AKT3: variants seen among roughly 807,000 people sequenced by gnomAD.
The protein encoded by AKT3 is AKT serine/threonine kinase 3, also known as RAC-gamma serine/threonine-protein kinase.
In AKT3, 15 loss-of-function variants were observed where a neutral mutation model predicts 65.3. The ratio of observed to expected loss-of-function variants is 0.23; its 90% confidence interval spans 0.15 to 0.35. The LOEUF is 0.35. Ranked by LOEUF, AKT3 falls within the 10% of genes least tolerant of loss-of-function variation. The pLI is 1.00. For missense variants in AKT3, 243 were observed against 576.5 expected, an observed-to-expected ratio of 0.42 and a Z score of 5.92; for synonymous variants, 206 against 183.8, an observed-to-expected ratio of 1.12 and a Z score of -0.98.
intron 8 of AKT3, among the ~76,000 whole-genome samples, chr1:243,587,971 G>A (rs1055423782): frequency 9.2e-5 from 14 of 152,150 alleles, no homozygotes; most frequent in Non-Finnish European, 1.8e-4. Flanking sequence ...TACTGGACAA[G>A]AGGAAGTGCA....
At chr1:243,683,009 A>G (rs1430813635) in intron 3 of AKT3, among the ~76,000 whole-genome samples, 1 of 152,172 alleles carries the variant, frequency 6.6e-6, no homozygotes, top group Non-Finnish European at 1.5e-5. Flanking sequence ...TTTTGCTACT[A>G]GACTATAAAT....
At chr1:243,713,788 G>A (rs1001635867) in intron 2 of AKT3, among the ~76,000 whole-genome samples, 1 of 132,590 alleles carries the variant, frequency 7.5e-6, no homozygotes, top group African/African-American at 2.7e-5. Flanking sequence ...CTTCTGTCAA[G>A]TCTAAAAAGC....
rs988897523 is a variant in AKT3, at chr1:243,653,036, C to CA, written c.285-7000dup. Among the ~76,000 whole-genome samples, 271 of 147,178 alleles carry CA rather than the reference C, an allele frequency of 1.8e-3. 1 individual carries two copies. The highest frequency in any genetic ancestry group is 5.7e-3 in the African/African-American group (230 of 40,174). ...GAGAAAGAGACATGAAAAAACCCTT[C>CA]AAAAAAAAAATCAATGAATCCAGGA... On this transcript the variant is annotated intron_variant, in intron 4 of 13. Coordinates refer to ENST00000673466, the MANE Select transcript of AKT3 (RefSeq NM_005465.7).
intron 8 of AKT3, among the ~76,000 whole-genome samples, chr1:243,602,327 T>G (rs1480347511): frequency 6.6e-6 from 1 of 152,276 alleles, no homozygotes; most frequent in Non-Finnish European, 1.5e-5. Flanking sequence ...GAAAAAGCAT[T>G]GGGTGAAAAA....
At chr1:243,623,965 T>C (rs990769538) in intron 6 of AKT3, among the ~76,000 whole-genome samples, 1 of 152,252 alleles carries the variant, frequency 6.6e-6, no homozygotes, top group African/African-American at 2.4e-5. Flanking sequence ...TTTTGCTCTA[T>C]GTGGTTTTCC....
At chr1:243,647,886 T>C (rs1680962575) in intron 4 of AKT3, among the ~76,000 whole-genome samples, 1 of 152,206 alleles carries the variant, frequency 6.6e-6, no homozygotes, top group Non-Finnish European at 1.5e-5. Flanking sequence ...AGATCTTCTA[T>C]ATAACATTTA....
Position 243,805,286 on chromosome 1 carries a change from C to G in AKT3, c.46+37839G>C, listed in dbSNP as rs189935684. On this transcript the variant is annotated intron_variant, in intron 2 of 13. Transcript: ENST00000673466. ...ACTGGGAGTTTGCCTCTCCTCCTTT[C>G]AAAGATTAACCCCATCACCTATGTT... Among the ~76,000 whole-genome samples, 28 of 152,214 alleles carry G rather than the reference C, an allele frequency of 1.8e-4. No homozygotes were observed. The East Asian group carries it at 5.2e-3, about 28-fold the overall frequency.
intron 2 of AKT3, among the ~76,000 whole-genome samples, chr1:243,838,772 A>T (rs547491902): frequency 2.0e-4 from 30 of 152,282 alleles, no homozygotes; most frequent in African/African-American, 7.2e-4. Context: ...AAACCATTTC[A>T]TGGAATATAA....
At chr1:243,530,892 C>T (rs547472946) in intron 12 of AKT3, among the ~76,000 whole-genome samples, 1 of 152,198 alleles carries the variant, frequency 6.6e-6, no homozygotes, top group East Asian at 1.9e-4. Flanking sequence ...TTTTAACTTA[C>T]ACTTGAATTG....
At chr1:243,717,908 G>A (rs1686611653) in intron 2 of AKT3, among the ~76,000 whole-genome samples, 1 of 152,006 alleles carries the variant, frequency 6.6e-6, no homozygotes, top group Admixed American at 6.6e-5. Context: ...AAGAAATCCT[G>A]GAATCTCAAA....
intron 3 of AKT3, among the ~76,000 whole-genome samples, chr1:243,669,353 G>A (rs895381441): frequency 2.4e-4 from 36 of 152,272 alleles, no homozygotes; most frequent in African/African-American, 8.4e-4. Flanking sequence ...AATGAGGGGC[G>A]TGCCCAAGAG....
chr1:243,620,592 T>C (rs930661259), intron 6 of AKT3, among the ~76,000 whole-genome samples: 1 of 152,126 alleles, frequency 6.6e-6, no homozygotes, highest in Non-Finnish European at 1.5e-5. Context: ...CTAACTTTTG[T>C]TTCTTGAAAA....
chr1:243,777,114 G>A lies in AKT3; in HGVS notation c.46+66011C>T, dbSNP rs148303410. The stretch of plus-strand genomic sequence containing the variant: ...CTCAACCTTTTTGGCACCAGGGACC[G>A]GCTTCATGGAAGACAATTTTTCCAT... On this transcript the variant is annotated intron_variant, in intron 2 of 13. Transcript: ENST00000673466. Among the ~76,000 whole-genome samples, 373 of 152,294 alleles carry A rather than the reference G, an allele frequency of 2.4e-3. 2 individuals are homozygous for A. Among genetic ancestry groups the A allele is most frequent in the African/African-American group, 8.7e-3 (363 of 41,552 alleles).
At chr1:243,595,370 G>A (rs1676529898) in intron 8 of AKT3, among the ~76,000 whole-genome samples, 1 of 152,172 alleles carries the variant, frequency 6.6e-6, no homozygotes, top group Non-Finnish European at 1.5e-5. Context: ...AGTGGCGAGT[G>A]AATATGAAGG....
intron 2 of AKT3, among the ~76,000 whole-genome samples, chr1:243,720,429 TAAAAA>T (rs66716743): frequency 3.1e-5 from 3 of 96,044 alleles, no homozygotes; most frequent in African/African-American, 4.8e-5. Flanking sequence ...AAAGACATAG[TAAAAA>T]AAAAAAAAAA....
chr1:243,692,064 A>G (rs1230088947), intron 3 of AKT3, among the ~76,000 whole-genome samples: 1 of 152,220 alleles, frequency 6.6e-6, no homozygotes, highest in Non-Finnish European at 1.5e-5. Flanking sequence ...TCCAGGAAAA[A>G]TAAGAACTGA....
At chr1:243,608,030 T>A (rs1351996051) in intron 8 of AKT3, among the ~76,000 whole-genome samples, 1 of 152,186 alleles carries the variant, frequency 6.6e-6, no homozygotes, top group African/African-American at 2.4e-5. Context: ...ACCTCTTTCC[T>A]TTATAAATTA....
At chr1:243,655,420 G>A (rs926711213) in intron 4 of AKT3, among the ~76,000 whole-genome samples, 2 of 151,752 alleles carry the variant, frequency 1.3e-5, no homozygotes, top group African/African-American at 4.8e-5. Context: ...CTTTTATCTA[G>A]AGTTCCTATG....
At chr1:243,793,152 T>G (rs1691737177) in intron 2 of AKT3, 1 of 152,252 alleles carries the variant, frequency 6.6e-6, no homozygotes, top group Non-Finnish European at 1.5e-5. Flanking sequence ...ATGCTTTTTC[T>G]ACCAGCATAC....
Sources: allele counts gnomAD v4.1 joint callset (sites outside exome capture counted in the v4.1 genomes callset), GRCh38; gene constraint gnomAD v4.1.1; transcripts MANE v1.5; gene names NCBI Gene and HGNC (gene_info 2026-07-23, HGNC 2026-07-21).